TENM2: variants seen among roughly 807,000 people sequenced by gnomAD.
TENM2 encodes teneurin transmembrane protein 2.
In TENM2, 52 loss-of-function variants were observed where a neutral mutation model predicts 245.2. That is an observed-to-expected ratio of 0.21 (90% CI 0.17 to 0.27). The LOEUF (loss-of-function observed/expected upper bound fraction) is 0.27, where lower values mean the gene tolerates loss of function less well. TENM2 is among the 10% of genes least tolerant of loss of function. The probability of loss-of-function intolerance (pLI) is 1.00; values close to 1 mark genes in which losing one functional copy is unlikely to be tolerated. For synonymous variants in TENM2, 1,363 were observed against 1,438.9 expected, an observed-to-expected ratio of 0.95 and a Z score of 1.19; for missense variants, 3,046 against 3,666.8, an observed-to-expected ratio of 0.83 and a Z score of 4.37.
the TENM2 span, among the ~76,000 whole-genome samples, chr5:167,231,098 T>C: frequency 0.21 from 31,524 of 152,160 alleles, 3,820 homozygotes; most frequent in African/African-American, 0.33. Flanking sequence ...TCCCCAGCCA[T>C]GCAAAACTGT....
chr5:168,181,198 C>T (rs1759852298), intron 13 of TENM2, among the ~76,000 whole-genome samples: 1 of 152,232 alleles, frequency 6.6e-6, no homozygotes, highest in South Asian at 2.1e-4. Flanking sequence ...ATTTGAGAAG[C>T]ATTGGTTTAA....
Position 167,719,099 on chromosome 5 carries a change from A to T in TENM2, c.503-156887A>T, listed in dbSNP as rs188011092. 3.7e-3 allele frequency among the ~76,000 whole-genome samples: 561 copies of T among 152,350 alleles called. 4 individuals carry two copies. Among genetic ancestry groups the T allele is most frequent in the African/African-American group, 0.013 (543 of 41,566 alleles). On this transcript the variant is annotated intron_variant, in intron 2 of 28. Coordinates refer to ENST00000518659, the Ensembl canonical transcript of TENM2. ...TCTGCATTTATATGCAAATAAAGAC[A>T]AAAAGATGTCTACCCATAAAAGCAA...
At chr5:168,169,010 AG>A (rs1758557259) in intron 13 of TENM2, among the ~76,000 whole-genome samples, 1 of 152,328 alleles carries the variant, frequency 6.6e-6, no homozygotes, top group Admixed American at 6.5e-5. Flanking sequence ...CCATCTACAA[AG>A]ATGGATAAAC....
At chr5:167,665,688 ATTATT>A (rs903539276) in intron 2 of TENM2, among the ~76,000 whole-genome samples, 1 of 152,136 alleles carries the variant, frequency 6.6e-6, no homozygotes, top group Admixed American at 6.5e-5. Context: ...GGTTTCCTCA[ATTATT>A]TTATTTTTGC....
upstream of TENM2, chr5:167,284,670 T>C: frequency 1.6e-6 from 1 of 610,002 alleles, no homozygotes; most frequent in Non-Finnish European, 2.9e-6. Context: ...CAAGGCTGCA[T>C]GTTCATGTTT....
At chr5:167,063,543 G>A in the TENM2 span, among the ~76,000 whole-genome samples, 1 of 152,080 alleles carries the variant, frequency 6.6e-6, no homozygotes, top group Non-Finnish European at 1.5e-5. Flanking sequence ...AGGGGTGGGG[G>A]AATCTCATTT....
intron 2 of TENM2, among the ~76,000 whole-genome samples, chr5:167,544,420 T>TA (rs1772415764): frequency 6.6e-6 from 1 of 152,154 alleles, no homozygotes; most frequent in Non-Finnish European, 1.5e-5. Flanking sequence ...GGGGCACACT[T>TA]AAAATATCAT....
At chr5:167,298,741 G>T (rs1213345458) in intron 1 of TENM2, among the ~76,000 whole-genome samples, 4 of 152,268 alleles carry the variant, frequency 2.6e-5, no homozygotes, top group African/African-American at 9.6e-5. Context: ...GCATAGTCCT[G>T]CCAGCAAAGA....
intron 2 of TENM2, among the ~76,000 whole-genome samples, chr5:167,794,066 C>G (rs1428886004): frequency 6.6e-6 from 1 of 151,650 alleles, no homozygotes; most frequent in Non-Finnish European, 1.5e-5. Flanking sequence ...CTCCTTTCCC[C>G]AACAATTATT....
Position 168,006,689 on chromosome 5 carries a change from T to C in TENM2, c.1186+13507T>C, listed in dbSNP as rs540608343. On this transcript the variant is annotated intron_variant, in intron 5 of 28. Transcript: ENST00000518659. ...TGAGGGATTATGTTCAGCCTGACTG[T>C]GGAGCCTGTTCACGGAGCCACAGCT... Among the ~76,000 whole-genome samples, 12 of 152,320 alleles carry C rather than the reference T, an allele frequency of 7.9e-5. No homozygotes were observed. The South Asian group carries it at 2.5e-3, about 32-fold the overall frequency.
At chr5:168,176,406 T>C (rs1759364639) in intron 13 of TENM2, among the ~76,000 whole-genome samples, 2 of 152,232 alleles carry the variant, frequency 1.3e-5, no homozygotes, top group African/African-American at 4.8e-5. Context: ...AGATACACTT[T>C]CACCCTAGGC....
At chr5:167,802,085 A>T (rs139295251) in intron 2 of TENM2, among the ~76,000 whole-genome samples, 1 of 152,250 alleles carries the variant, frequency 6.6e-6, no homozygotes, top group East Asian at 1.9e-4. Context: ...CCTGAAGTGC[A>T]AAAGGAACAA....
At chr5:167,489,782 A>C (rs187663274) in intron 2 of TENM2, among the ~76,000 whole-genome samples, 1 of 152,304 alleles carries the variant, frequency 6.6e-6, no homozygotes, top group African/African-American at 2.4e-5. Context: ...TTGCCATTAT[A>C]CTATATATGT....
intron 5 of TENM2, among the ~76,000 whole-genome samples, chr5:168,024,939 T>C (rs1786472414): frequency 1.3e-5 from 2 of 152,206 alleles, no homozygotes; most frequent in Admixed American, 1.3e-4. Context: ...AAGATGATGT[T>C]ACTCTAGGAA....
intron 12 of TENM2, chr5:168,130,057 A>C (rs543341333): frequency 5.3e-5 from 8 of 152,328 alleles, no homozygotes; most frequent in African/African-American, 1.9e-4. Context: ...AATTCACATC[A>C]GTCCTTGTGG....
At chr5:167,364,378 G>A (rs751240476) in intron 1 of TENM2, among the ~76,000 whole-genome samples, 1 of 151,914 alleles carries the variant, frequency 6.6e-6, no homozygotes, top group Non-Finnish European at 1.5e-5. Flanking sequence ...ACAACAATTA[G>A]GCAAAGAAAT....
intron 3 of TENM2, among the ~76,000 whole-genome samples, chr5:167,945,782 C>G (rs1288346505): frequency 6.6e-6 from 1 of 152,238 alleles, no homozygotes; most frequent in African/African-American, 2.4e-5. Flanking sequence ...CTTTCTTTCT[C>G]TGCCCTCTGT....
intron 2 of TENM2, among the ~76,000 whole-genome samples, chr5:167,647,086 A>G (rs1780015735): frequency 1.3e-5 from 2 of 152,180 alleles, no homozygotes; most frequent in African/African-American, 2.4e-5. Flanking sequence ...GGGACTTTAA[A>G]TGACTCTGAT....
intron 2 of TENM2, among the ~76,000 whole-genome samples, chr5:167,416,345 T>G (rs1189592588): frequency 6.6e-6 from 1 of 152,208 alleles, no homozygotes; most frequent in Non-Finnish European, 1.5e-5. Flanking sequence ...TCCCTTGTTA[T>G]GGAACACTGT....
Sources: gnomAD v4.1 joint callset for allele counts (sites outside exome capture counted in the v4.1 genomes callset) on GRCh38, gnomAD v4.1.1 for gene constraint, MANE v1.5 for transcripts, NCBI Gene and HGNC (gene_info 2026-07-23, HGNC 2026-07-21) for gene names.